Variants in PDE7B observed in about 807,000 individuals in gnomAD.
PDE7B encodes 3',5'-cyclic-AMP phosphodiesterase 7B.
A neutral mutation model predicts 56.2 loss-of-function variants in PDE7B; 29 were observed. That is an observed-to-expected ratio of 0.52 (90% CI 0.38 to 0.70). The LOEUF (loss-of-function observed/expected upper bound fraction) is 0.70, where lower values mean the gene tolerates loss of function less well. Among genes scored for constraint, PDE7B ranks in the 30% least tolerant of loss-of-function variants. PDE7B has a pLI of 0.00. For missense variants in PDE7B, 490 were observed against 565.0 expected (o/e 0.87, Z 1.35); for synonymous variants, 197 against 196.9 (o/e 1.00, Z 0.00).
chr6:136,110,169 G>A (rs1021759089), intron 3 of PDE7B, among the ~76,000 whole-genome samples: 23 of 152,130 alleles, frequency 1.5e-4, no homozygotes, highest in African/African-American at 5.1e-4. Context: ...TTCCACACTA[G>A]AGATAACCTT....
chr6:136,179,003 T>C lies in PDE7B; in HGVS notation c.810T>C (p.Asp270=). The C allele has an allele frequency of 3.7e-6, 6 of 1,614,166 alleles. No individual in the cohort carries two copies. Among genetic ancestry groups the C allele is most frequent in the Non-Finnish European group, 5.1e-6 (6 of 1,179,998 alleles). The change falls in exon 10 of 13, where the codon GAT becomes GAC. Residue 270 remains aspartate (D), a synonymous_variant. Coordinates refer to ENST00000308191, the MANE Select transcript of PDE7B (RefSeq NM_018945.4). ...LAHLPKEMTQ[D]IEQQLGSLIL... is the part of the protein sequence containing the mutation. ...TTCATTCTTGTGGATGCAGACAGGA[T>C]ATTGAACAGCAGCTGGGCTCCTTGA...
At chr6:136,037,885 G>A in intron 2 of PDE7B, 1 of 984,410 alleles carries the variant, frequency 1.0e-6, no homozygotes. Context: ...AACCTCGATG[G>A]CTTTTTTTTT....
chr6:135,928,660 T>A (rs1288527437), intron 1 of PDE7B, among the ~76,000 whole-genome samples: 2 of 150,564 alleles, frequency 1.3e-5, no homozygotes, highest in East Asian at 3.9e-4. Context: ...TACAGTAACA[T>A]GAACAAAGCT....
intron 2 of PDE7B, among the ~76,000 whole-genome samples, chr6:136,108,113 G>T (rs1185274938): frequency 2.8e-5 from 3 of 106,438 alleles, no homozygotes; most frequent in African/African-American, 1.1e-4. Flanking sequence ...GCAACAAAGC[G>T]AGACTCCATG....
intron 2 of PDE7B, among the ~76,000 whole-genome samples, chr6:136,041,347 A>T (rs538901004): frequency 1.3e-5 from 2 of 152,248 alleles, no homozygotes; most frequent in Admixed American, 1.3e-4. Flanking sequence ...AAAATATGGG[A>T]ACATAAATAT....
intron 10 of PDE7B, among the ~76,000 whole-genome samples, chr6:136,179,493 T>C (rs1779028985): frequency 6.6e-6 from 1 of 152,206 alleles, no homozygotes; most frequent in African/African-American, 2.4e-5. Context: ...TATAAGTGGT[T>C]CCCAACTAAG....
chr6:136,191,814 G>C lies in PDE7B; in HGVS notation c.1327G>C (p.Glu443Gln). Residue 443 changes from glutamate to glutamine, a missense_variant, in exon 13 of 13, where the codon GAG becomes CAG. By Grantham distance (29) the Glu-to-Gln change is conservative. Coordinates refer to ENST00000308191, the MANE Select transcript of PDE7B (RefSeq NM_018945.4). ...HDHAGQGTES[E>Q]EQEGDSP ...CCACGCAGGCCAAGGGACTGAGAGC[G>C]AGGAGCAGGAAGGCGACAGCCCCTA... 8.4e-6 allele frequency: 13 copies of C among 1,554,726 alleles called. No individual in the cohort carries two copies. Among genetic ancestry groups the C allele is most frequent in the Non-Finnish European group, 1.1e-5 (13 of 1,149,726 alleles).
chr6:136,094,184 T>C (rs1396659691), intron 2 of PDE7B: 1 of 152,296 alleles, frequency 6.6e-6, no homozygotes, highest in African/African-American at 2.4e-5. Flanking sequence ...TATAGTTCCA[T>C]TCACGGAGGG....
chr6:136,033,400 GGA>G (rs1776273566), intron 2 of PDE7B, among the ~76,000 whole-genome samples: 1 of 152,148 alleles, frequency 6.6e-6, no homozygotes, highest in Non-Finnish European at 1.5e-5. Flanking sequence ...AGTAAAGGAG[GGA>G]GAGGTCACTC....
intron 3 of PDE7B, among the ~76,000 whole-genome samples, chr6:136,144,847 A>T (rs1029017536): frequency 2.6e-4 from 40 of 152,156 alleles, no homozygotes; most frequent in African/African-American, 9.4e-4. Flanking sequence ...GTGAGGTTGT[A>T]TCCTCAGTGC....
At chr6:136,160,017 A>G (rs1365847520) in intron 8 of PDE7B, among the ~76,000 whole-genome samples, 3 of 152,160 alleles carry the variant, frequency 2.0e-5, no homozygotes, top group African/African-American at 7.2e-5. Flanking sequence ...AATACTTGAT[A>G]ATTCAGGCAC....
chr6:135,935,654 CTT>C (rs917874738), intron 1 of PDE7B, among the ~76,000 whole-genome samples: 7 of 152,152 alleles, frequency 4.6e-5, no homozygotes, highest in African/African-American at 1.7e-4. Context: ...GAAGAGGTGT[CTT>C]TCAAATATTG....
At chr6:135,967,615 C>A (rs1349131770) in intron 2 of PDE7B, among the ~76,000 whole-genome samples, 5 of 152,186 alleles carry the variant, frequency 3.3e-5, no homozygotes, top group African/African-American at 9.6e-5. Context: ...ACTTGCCAAG[C>A]AAATATTCCT....
At chr6:136,032,642 G>C (rs980891280) in intron 2 of PDE7B, among the ~76,000 whole-genome samples, 1 of 152,144 alleles carries the variant, frequency 6.6e-6, no homozygotes, top group African/African-American at 2.4e-5. Context: ...CCAAATTTCC[G>C]AAGTGAGACC....
rs550591635 is a variant in PDE7B at position 135,872,712 on chromosome 6, A to G, written c.21+20693A>G. 2.0e-4 allele frequency among the ~76,000 whole-genome samples: 30 copies of G among 152,346 alleles called. 1 individual carries two copies. The South Asian group carries it at 6.0e-3, about 30-fold the overall frequency. On this transcript the variant is annotated intron_variant, in intron 1 of 12. Transcript: ENST00000308191. The stretch of plus-strand genomic sequence containing the variant: ...GGATAAAGACTATCAAGGACTATGT[A>G]GACACATTAACTGAAGTCTATTATG...
chr6:136,128,903 C>A (rs772054650), intron 3 of PDE7B, among the ~76,000 whole-genome samples: 1 of 152,158 alleles, frequency 6.6e-6, no homozygotes, highest in African/African-American at 2.4e-5. Flanking sequence ...CCCAAAGCCA[C>A]CACCCCATGA....
chr6:135,949,394 G>A (rs751777292), intron 2 of PDE7B, among the ~76,000 whole-genome samples: 5 of 151,944 alleles, frequency 3.3e-5, no homozygotes, highest in Non-Finnish European at 7.4e-5. Context: ...TAGATTATGT[G>A]GTATGGTTTA....
intron 2 of PDE7B, among the ~76,000 whole-genome samples, chr6:135,999,578 A>G (rs1009804872): frequency 6.6e-6 from 1 of 152,094 alleles, no homozygotes; most frequent in Non-Finnish European, 1.5e-5. Flanking sequence ...CCATGTTTCC[A>G]CAAAAGACAT....
chr6:136,037,521 TC>T, intron 2 of PDE7B: 13 of 985,398 alleles, frequency 1.3e-5, no homozygotes, highest in Non-Finnish European at 1.6e-5. Context: ...CCAGCACTGG[TC>T]TTGGTGACTG....
Sources: gnomAD v4.1 joint callset for allele counts (sites outside exome capture counted in the v4.1 genomes callset) on GRCh38, gnomAD v4.1.1 for gene constraint, MANE v1.5 for transcripts, NCBI Gene and HGNC (gene_info 2026-07-23, HGNC 2026-07-21) for gene names.